The following CUBN variants were observed in gnomAD, a reference collection of about 807,000 sequenced individuals.
CUBN encodes cubilin, also known as 460 kDa receptor.
In CUBN, 282 loss-of-function variants were observed where a neutral mutation model predicts 405.3. The observed-to-expected ratio is 0.70, with a 90% CI of 0.63 to 0.77. The LOEUF (loss-of-function observed/expected upper bound fraction) is 0.77. Ranked by LOEUF, CUBN falls within the 30% of genes least tolerant of loss-of-function variation. The probability of loss-of-function intolerance (pLI) is 0.00; values close to 1 mark genes in which losing one functional copy is unlikely to be tolerated. For synonymous variants in CUBN, 1,684 were observed against 1,617.0 expected (o/e 1.04, Z -0.99); for missense variants, 4,514 against 4,475.2 (o/e 1.01, Z -0.25).
At chr10:17,001,062 G>A (rs752869182) in intron 28 of CUBN, among the ~76,000 whole-genome samples, 3 of 152,126 alleles carry the variant, frequency 2.0e-5, no homozygotes, top group Non-Finnish European at 4.4e-5. Context: ...GACTTCAGGT[G>A]TCAAGCTGCA....
chr10:16,994,421 A>ATTCTATCC (rs1247996606), intron 28 of CUBN, among the ~76,000 whole-genome samples: 5 of 152,244 alleles, frequency 3.3e-5, no homozygotes, highest in Admixed American at 1.3e-4. Context: ...CCTGAATACT[A>ATTCTATCC]TTCTATCCTT....
chr10:16,886,635 G>A (rs56396153), intron 56 of CUBN, among the ~76,000 whole-genome samples: 14,828 of 152,068 alleles, frequency 0.098, 1,351 homozygotes, highest in East Asian at 0.32. Flanking sequence ...CTCTGCCAAC[G>A]GCCCATTCCC....
intron 31 of CUBN, among the ~76,000 whole-genome samples, chr10:16,961,949 T>G (rs2131647042): frequency 6.6e-6 from 1 of 151,982 alleles, no homozygotes; most frequent in East Asian, 2.0e-4. Context: ...CCTGACCTCG[T>G]GATCCGCCCG....
intron 60 of CUBN, among the ~76,000 whole-genome samples, chr10:16,847,270 G>A (rs1381676022): frequency 6.6e-6 from 1 of 152,124 alleles, no homozygotes; most frequent in Non-Finnish European, 1.5e-5. Flanking sequence ...GGCTAACACA[G>A]TGAAACTTCA....
At chr10:16,862,160 TCACACACACACA>T (rs66664283) in intron 59 of CUBN, among the ~76,000 whole-genome samples, 3 of 131,164 alleles carry the variant, frequency 2.3e-5, no homozygotes, top group African/African-American at 3.3e-5. Flanking sequence ...TCTCTCTCTC[TCACACACACACA>T]CACACACACA....
At chr10:17,111,076 T>C (rs767820860) in intron 8 of CUBN, 26 bp from the exon 9 acceptor site, 1 of 1,613,594 alleles carries the variant, frequency 6.2e-7, no homozygotes, top group East Asian at 2.2e-5. Context: ...GATTTAAAAG[T>C]TTAGCTCTAT....
At chr10:16,998,947 T>A (rs1404199901) in intron 28 of CUBN, among the ~76,000 whole-genome samples, 1 of 152,214 alleles carries the variant, frequency 6.6e-6, no homozygotes, top group Non-Finnish European at 1.5e-5. Context: ...GGAGACTTCA[T>A]CCTTGCCCCA....
At chr10:16,930,498 G>T (rs1301449457) in intron 40 of CUBN, among the ~76,000 whole-genome samples, 2 of 152,162 alleles carry the variant, frequency 1.3e-5, no homozygotes, top group Non-Finnish European at 2.9e-5. Flanking sequence ...TTTATCTAAG[G>T]TCATGAAGAA....
intron 41 of CUBN, 62 bp downstream of exon 41, chr10:16,928,095 A>C (rs760707718): frequency 1.0e-4 from 160 of 1,561,210 alleles, no homozygotes; most frequent in Non-Finnish European, 1.4e-4. Context: ...GGAAGAGAGA[A>C]AGAGAGAGGA....
At chr10:16,929,397 C>G (rs1367747891) in intron 40 of CUBN, among the ~76,000 whole-genome samples, 1 of 152,024 alleles carries the variant, frequency 6.6e-6, no homozygotes, top group Non-Finnish European at 1.5e-5. Context: ...GTTTTTTTCT[C>G]TTTTGTCCTA....
chr10:16,921,065 AT>A (rs1311507367), intron 43 of CUBN, among the ~76,000 whole-genome samples: 143 of 152,342 alleles, frequency 9.4e-4, no homozygotes, highest in Admixed American at 1.7e-3. Flanking sequence ...CCATTCATTC[AT>A]GGAAATTGAT....
chr10:16,861,929 T>C (rs1588596853), intron 59 of CUBN, among the ~76,000 whole-genome samples: 1 of 152,150 alleles, frequency 6.6e-6, no homozygotes, highest in East Asian at 1.9e-4. Flanking sequence ...GGAGGGTGGA[T>C]CATGAGGTCA....
chr10:17,087,670 T>G (rs1836152745), intron 15 of CUBN, among the ~76,000 whole-genome samples: 1 of 151,878 alleles, frequency 6.6e-6, no homozygotes, highest in East Asian at 1.9e-4. Flanking sequence ...GAGATGGGTT[T>G]TCACCATGTT....
At chr10:17,110,892 G>C in intron 9 of CUBN, 27 bp downstream of exon 9, 1 of 1,614,170 alleles carries the variant, frequency 6.2e-7, no homozygotes, top group Non-Finnish European at 8.5e-7. Flanking sequence ...CTGGGGTCAG[G>C]AGGTTGACAT....
At chr10:16,829,488 G>C (rs1370446573) in intron 65 of CUBN, among the ~76,000 whole-genome samples, 1 of 152,166 alleles carries the variant, frequency 6.6e-6, no homozygotes, top group African/African-American at 2.4e-5. Flanking sequence ...GTAAAATTCA[G>C]CACTAAACCA....
At chr10:16,920,206 T>C (rs1234758492) in intron 43 of CUBN, 69 bp from the exon 44 acceptor site, 1 of 1,469,022 alleles carries the variant, frequency 6.8e-7, no homozygotes, top group Non-Finnish European at 9.5e-7. Flanking sequence ...CCACAAATCA[T>C]CTTTTAAAGT....
At chr10:16,900,569 A>T in intron 53 of CUBN, 56 bp downstream of exon 53, 1 of 1,274,782 alleles carries the variant, frequency 7.8e-7, no homozygotes, top group Non-Finnish European at 1.1e-6. Context: ...ACATATTATG[A>T]GTTCATACTA....
At chr10:17,115,258 A>T (rs897273249) in intron 7 of CUBN, among the ~76,000 whole-genome samples, 2 of 152,004 alleles carry the variant, frequency 1.3e-5, no homozygotes, top group African/African-American at 4.8e-5. Flanking sequence ...AAAAAAAAAA[A>T]AAAAAATCCT....
chr10:16,977,302 C>T (rs1225567257), intron 31 of CUBN, among the ~76,000 whole-genome samples: 1 of 152,090 alleles, frequency 6.6e-6, no homozygotes, highest in Non-Finnish European at 1.5e-5. Context: ...ACCCCCTTAT[C>T]CTGTATTCAT....
Sources: gnomAD v4.1 joint callset for allele counts (sites outside exome capture counted in the v4.1 genomes callset) on GRCh38, gnomAD v4.1.1 for gene constraint, MANE v1.5 for transcripts, NCBI Gene and HGNC (gene_info 2026-07-23, HGNC 2026-07-21) for gene names.